The following FAM25C variants were observed in gnomAD, a reference collection of about 807,000 sequenced individuals.
FAM25C encodes protein FAM25C.
FAM25C carries 4 observed loss-of-function variants against 9.6 expected under a neutral mutation model. That is an observed-to-expected ratio of 0.42 (90% confidence interval 0.20 to 0.95). FAM25C has a LOEUF of 0.95. Among genes scored for constraint, FAM25C ranks in the 40% least tolerant of loss-of-function variants. The pLI is 0.31. For synonymous variants in FAM25C, 23 were observed against 44.1 expected, an observed-to-expected ratio of 0.52 and a Z score of 1.89; for missense variants, 38 against 110.4, an observed-to-expected ratio of 0.34 and a Z score of 2.94.
intron 2 of FAM25C, among the ~76,000 whole-genome samples, chr10:47,997,205 T>C (rs1275915656): frequency 6.7e-6 from 1 of 148,414 alleles, no homozygotes; most frequent in Non-Finnish European, 1.5e-5. Flanking sequence ...GCCTCCCAGG[T>C]ACACACCATT....
intron 1 of FAM25C, among the ~76,000 whole-genome samples, chr10:47,998,162 G>A (rs1295056685): frequency 1.3e-5 from 2 of 151,320 alleles, no homozygotes; most frequent in Non-Finnish European, 3.0e-5. Flanking sequence ...ACCCAGGCTG[G>A]GCCTGTGTGC....
At chr10:47,998,213 G>C (rs11100980) in intron 1 of FAM25C, among the ~76,000 whole-genome samples, 51,162 of 150,234 alleles carry the variant, frequency 0.34, 10,161 homozygotes, top group Non-Finnish European at 0.45. Context: ...GCCTGCCTCA[G>C]GTTGGTTTCC....
At chr10:47,997,033 G>A (rs1366377031) in intron 2 of FAM25C, among the ~76,000 whole-genome samples, 36 of 146,962 alleles carry the variant, frequency 2.4e-4, no homozygotes, top group Admixed American at 4.8e-4. Context: ...GGGTTTCACC[G>A]TGGTCTGGAT....
At chr10:47,996,017 T>C (rs1446920576) in intron 2 of FAM25C, among the ~76,000 whole-genome samples, 1 of 150,190 alleles carries the variant, frequency 6.7e-6, no homozygotes, top group Non-Finnish European at 1.5e-5. Context: ...TCTCTGAAGT[T>C]ATTACTATGT....
At position 47,999,658 on chromosome 10, in the gene FAM25C, C is replaced by A; in HGVS notation, c.73+35G>T. 11 of 1,533,354 alleles carry A rather than the reference C, an allele frequency of 7.2e-6. No homozygotes were observed. The South Asian group carries it at 1.2e-4, about 17-fold the overall frequency. 95.0% of individuals were successfully genotyped at this position (1,533,354 alleles called of 1,614,324 possible). On this transcript the variant is annotated intron_variant, in intron 1 of 2. Coordinates refer to ENST00000617224, the MANE Select transcript of FAM25C (RefSeq NM_001137548.3). ...ACAGACCCAGTCTGCCCCAGATCCC[C>A]CCAGCCCAGGTAGAAAGGAGCCCCG...
rs566445682 is a variant in FAM25C at position 47,997,484 on chromosome 10, A to T, written c.136+193T>A. Among the ~76,000 whole-genome samples, 187 of 150,086 alleles carry T rather than the reference A, an allele frequency of 1.2e-3. No individual in the cohort carries two copies. The East Asian group carries it at 0.018, about 15-fold the overall frequency. On this transcript the variant is annotated intron_variant, in intron 2 of 2. Coordinates refer to ENST00000617224, the MANE Select transcript of FAM25C (RefSeq NM_001137548.3). Reference sequence around the variant, plus strand: ...GTCTTCTTATTCCACAGAGAGAACCATCTAGACAGTGTCCTAACGCAGTAC... The same window carrying T: ...GTCTTCTTATTCCACAGAGAGAACCTTCTAGACAGTGTCCTAACGCAGTAC...
At position 47,995,491 on chromosome 10, in the gene FAM25C, T is replaced by G. The variant is rs1555256364; in HGVS notation, c.157A>C (p.Lys53Gln). The G allele has an allele frequency of 6.5e-7, 1 of 1,534,270 alleles. No individual in the cohort carries two copies. The highest frequency in any genetic ancestry group is 8.7e-7 in the Non-Finnish European group (1 of 1,145,946). Residue 53 changes from lysine to glutamine, a missense_variant, in exon 3 of 3, where the codon AAA becomes CAA. By Grantham distance (53) the Lys-to-Gln change is moderately conservative (BLOSUM62 1). This residue lies in a region of FAM25C where 30 missense variants were observed against 53.0 expected (regional missense o/e 0.57). Coordinates refer to ENST00000617224, the MANE Select transcript of FAM25C (RefSeq NM_001137548.3). ...TTTTTGTCCCCTGACTCCTGGGCTT[T>G]CTTTATGGCTTCAGCAATGGCTGTT... is the stretch of plus-strand genomic sequence containing the variant. ...GEKAIAEAIKKAQESGDKKMK... is the reference protein window; with the variant it reads ...GEKAIAEAIKQAQESGDKKMK...
intron 1 of FAM25C, among the ~76,000 whole-genome samples, chr10:47,998,564 C>T (rs1555256724): frequency 2.6e-5 from 3 of 116,136 alleles, no homozygotes; most frequent in Non-Finnish European, 5.6e-5. Flanking sequence ...GTTCTGGGAG[C>T]CCACGCTATT....
intron 1 of FAM25C, among the ~76,000 whole-genome samples, chr10:47,998,551 C>T (rs1394558666): frequency 2.6e-4 from 32 of 122,010 alleles, no homozygotes; most frequent in African/African-American, 9.3e-4. Flanking sequence ...GCGAAGGCCC[C>T]GAGTTCTGGG....
intron 2 of FAM25C, 151 bp downstream of exon 2, chr10:47,997,526 T>C: frequency 2.5e-6 from 2 of 797,170 alleles, no homozygotes; most frequent in South Asian, 3.0e-5. Context: ...TGGCCTCTGA[T>C]GAGCATAGAT....
At chr10:47,995,882 T>G (rs1555256409) in intron 2 of FAM25C, among the ~76,000 whole-genome samples, 1 of 133,814 alleles carries the variant, frequency 7.5e-6, no homozygotes, top group African/African-American at 2.9e-5. Flanking sequence ...GTTATAGTGT[T>G]TTTTTTTTTT....
Position 47,997,204 on chromosome 10 carries a change from G to A in FAM25C, c.136+473C>T, listed in dbSNP as rs868971925. Reference sequence around the variant, plus strand: ...GCTCACTGCAAGCTCTGCCTCCCAGGTACACACCATTCTCCTGCCTCAGCC... The same window carrying A: ...GCTCACTGCAAGCTCTGCCTCCCAGATACACACCATTCTCCTGCCTCAGCC... On this transcript the variant is annotated intron_variant, in intron 2 of 2. Coordinates refer to ENST00000617224, the MANE Select transcript of FAM25C (RefSeq NM_001137548.3). Among the ~76,000 whole-genome samples the A allele has an allele frequency of 2.2e-4, 33 of 148,192 alleles. No homozygotes were observed. In the South Asian group the frequency reaches 4.8e-3, roughly 22 times the overall value.
At chr10:47,997,400 T>C (rs2942991) in intron 2 of FAM25C, among the ~76,000 whole-genome samples, 109 of 148,134 alleles carry the variant, frequency 7.4e-4, no homozygotes, top group East Asian at 4.2e-3. Flanking sequence ...TGAGCCACCG[T>C]GCCCTGCCAT....
At chr10:47,998,317 G>C (rs1246243700) in intron 1 of FAM25C, among the ~76,000 whole-genome samples, 1 of 147,246 alleles carries the variant, frequency 6.8e-6, no homozygotes, top group Non-Finnish European at 1.5e-5. Context: ...AGTGTGGGTG[G>C]TAGTGTGCTA....
At chr10:47,997,345 G>A (rs2376619) in intron 2 of FAM25C, among the ~76,000 whole-genome samples, 49 of 145,146 alleles carry the variant, frequency 3.4e-4, no homozygotes, top group South Asian at 4.5e-4. Context: ...TCCTGACCTC[G>A]TGATCCGCCC....
intron 2 of FAM25C, among the ~76,000 whole-genome samples, chr10:47,995,714 A>G (rs1172617611): frequency 1.3e-5 from 2 of 148,756 alleles, no homozygotes; most frequent in Non-Finnish European, 3.0e-5. Context: ...ACTGTGAGTG[A>G]GACTGAGCAT....
intron 2 of FAM25C, among the ~76,000 whole-genome samples, chr10:47,997,262 C>T (rs1208149787): frequency 6.7e-6 from 1 of 148,858 alleles, no homozygotes; most frequent in East Asian, 2.0e-4. Flanking sequence ...GCACCCACCA[C>T]CATGCCCGGC....
At position 47,995,330 on chromosome 10, in the gene FAM25C, T is replaced by A. The variant is rs1345214134; in HGVS notation, c.*48A>T. ...AAATCCAGCGCTCAATGTACACATG[T>A]CATGGCTTTTTATTGAGACTGGGGA... is the stretch of plus-strand genomic sequence containing the variant. On this transcript the variant is annotated 3_prime_UTR_variant, in exon 3 of 3. Transcript: ENST00000617224. 7.5e-7 allele frequency: 1 copy of A among 1,334,030 alleles called. No individual in the cohort carries two copies. Among genetic ancestry groups the A allele is most frequent in the East Asian group, 2.5e-5 (1 of 40,262 alleles). 82.6% of individuals were successfully genotyped at this position (1,334,030 alleles called of 1,614,324 possible).
chr10:47,999,318 TGAAC>T, intron 1 of FAM25C, among the ~76,000 whole-genome samples: 1 of 51,134 alleles, frequency 2.0e-5, no homozygotes. Flanking sequence ...TTTTTGACTT[TGAAC>T]AGACTTGGTG....
Sources: gnomAD v4.1 joint callset for allele counts (sites outside exome capture counted in the v4.1 genomes callset) on GRCh38, gnomAD v4.1.1 for gene constraint, gnomAD v4.1.1 regional missense constraint, MANE v1.5 for transcripts, NCBI Gene and HGNC (gene_info 2026-07-23, HGNC 2026-07-21) for gene names.